MRPL35: variants seen among roughly 807,000 people sequenced by gnomAD.
MRPL35 encodes mitochondrial ribosomal protein L35.
A neutral mutation model predicts 21.6 loss-of-function variants in MRPL35; 18 were observed. That is an observed-to-expected ratio of 0.83 (90% CI 0.58 to 1.24). MRPL35 has a LOEUF of 1.24. Among genes scored for constraint, MRPL35 ranks in the 50% most tolerant of loss-of-function variants. MRPL35 has a pLI of 0.00. For missense variants in MRPL35, 223 were observed against 223.2 expected, an observed-to-expected ratio of 1.00 and a Z score of 0.01; for synonymous variants, 87 against 86.9, an observed-to-expected ratio of 1.00 and a Z score of -0.01.
At position 86,210,865 on chromosome 2, in the gene MRPL35, T is replaced by C; in HGVS notation, c.*197T>C. The stretch of plus-strand genomic sequence containing the variant: ...AGATTTGGTTAGGGAAACAGAAATT[T>C]AGAATGGTGCATTATTTTTAACAAA... On this transcript the variant is annotated 3_prime_UTR_variant, in exon 4 of 4. Coordinates refer to ENST00000337109, the MANE Select transcript of MRPL35 (RefSeq NM_016622.4). The C allele has an allele frequency of 1.6e-6, 2 of 1,265,372 alleles. No homozygotes were observed. The highest frequency in any genetic ancestry group is 3.0e-5 in the East Asian group (1 of 33,236). The allele number at this position is 1,265,372 out of a possible 1,614,324, so 78.4% of individuals were successfully genotyped here.
At chr2:86,205,731 C>T (rs1004237512) in intron 1 of MRPL35, among the ~76,000 whole-genome samples, 1 of 152,188 alleles carries the variant, frequency 6.6e-6, no homozygotes, top group Non-Finnish European at 1.5e-5. Flanking sequence ...GGTCCATGCT[C>T]TTGCATCCCT....
intron 3 of MRPL35, among the ~76,000 whole-genome samples, chr2:86,208,693 T>C (rs1673848625): frequency 1.3e-5 from 2 of 152,176 alleles, no homozygotes; most frequent in Non-Finnish European, 2.9e-5. Flanking sequence ...TGCCTTCCTT[T>C]CCATGTCCCT....
Position 86,211,172 on chromosome 2 carries a change from T to C in MRPL35, c.*504T>C. ...TGCATGCATGTGACTTGCTTCTTTT[T>C]GCATTGTTAACTCCATTCTCTCTAT... On this transcript the variant is annotated 3_prime_UTR_variant, in exon 4 of 4. Coordinates refer to ENST00000337109, the MANE Select transcript of MRPL35 (RefSeq NM_016622.4). The C allele has an allele frequency of 1.0e-6, 1 of 984,864 alleles. No individual in the cohort carries two copies. Among genetic ancestry groups the C allele is most frequent in the Non-Finnish European group, 1.2e-6 (1 of 829,330 alleles). The allele number at this position is 984,864 out of a possible 1,614,324, so 61.0% of individuals were successfully genotyped here.
Position 86,210,649 on chromosome 2 carries a change from G to T in MRPL35, c.548G>T (p.Arg183Leu). The part of the protein sequence containing the change: ...VDDPYQKYHD[R>L]TNLKV Reference sequence around the variant, plus strand: ...GATCCTTATCAGAAGTATCATGATCGAACAAACCTGAAAGTATAGATCAGA... The same window carrying T: ...GATCCTTATCAGAAGTATCATGATCTAACAAACCTGAAAGTATAGATCAGA... Residue 183 changes from arginine (R) to leucine (L), a missense_variant, in exon 4 of 4, where the codon CGA becomes CTA. By Grantham distance (102) the Arg-to-Leu change is moderately radical (BLOSUM62 -2). Coordinates refer to ENST00000337109, the MANE Select transcript of MRPL35 (RefSeq NM_016622.4). The T allele has an allele frequency of 6.2e-7, 1 of 1,611,198 alleles. No homozygotes were observed. Among genetic ancestry groups the T allele is most frequent in the South Asian group, 1.1e-5 (1 of 90,616 alleles).
intron 3 of MRPL35, 39 bp from the exon 4 acceptor site, chr2:86,210,441 A>G: frequency 1.3e-6 from 2 of 1,522,442 alleles, no homozygotes; most frequent in Non-Finnish European, 1.8e-6. Context: ...TGTTTCATAC[A>G]TAGTATGATG....
chr2:86,206,022 TTGG>T (rs1673781575), intron 1 of MRPL35, 81 bp from the exon 2 acceptor site: 1 of 1,190,992 alleles, frequency 8.4e-7, no homozygotes, highest in Non-Finnish European at 1.2e-6. Flanking sequence ...TGTTTAATAC[TTGG>T]TGGCAGTGAT....
At position 86,213,687 on chromosome 2, in the gene MRPL35, C is replaced by T. The variant is rs1169952612; in HGVS notation, c.*3019C>T. 34 of 1,548,852 alleles carry T rather than the reference C, an allele frequency of 2.2e-5. No individual in the cohort carries two copies. Among genetic ancestry groups the T allele is most frequent in the Non-Finnish European group, 2.8e-5 (32 of 1,145,610 alleles). ...AGAAGAAAAATGATGGACCAAACGTCTGTTTGCACAATTGAAACTCTACCA... is the reference window on the plus strand; with the variant it reads ...AGAAGAAAAATGATGGACCAAACGTTTGTTTGCACAATTGAAACTCTACCA... On this transcript the variant is annotated 3_prime_UTR_variant, in exon 4 of 4. Transcript: ENST00000337109.
At position 86,212,391 on chromosome 2, in the gene MRPL35, G is replaced by T; in HGVS notation, c.*1723G>T. On this transcript the variant is annotated 3_prime_UTR_variant, in exon 4 of 4. Coordinates refer to ENST00000337109, the MANE Select transcript of MRPL35 (RefSeq NM_016622.4). ...AGCCTGAAACATGGAATGGCATTCT[G>T]TTTTGATGGATTTTCATTTCTTCGC... The T allele has an allele frequency of 6.2e-7, 1 of 1,613,806 alleles. No individual in the cohort carries two copies. Among genetic ancestry groups the T allele is most frequent in the Non-Finnish European group, 8.5e-7 (1 of 1,179,858 alleles).
intron 1 of MRPL35, among the ~76,000 whole-genome samples, chr2:86,201,390 G>A (rs1461403301): frequency 3.3e-5 from 5 of 152,064 alleles, no homozygotes; most frequent in Admixed American, 3.3e-4. Context: ...CTATTGGATT[G>A]TTTGTCTTAT....
chr2:86,213,640 T>G lies in MRPL35; in HGVS notation c.*2972T>G. On this transcript the variant is annotated 3_prime_UTR_variant, in exon 4 of 4. Coordinates refer to ENST00000337109, the MANE Select transcript of MRPL35 (RefSeq NM_016622.4). Reference sequence around the variant, plus strand: ...GTCACCTGCACAGGCACTCCCCCATTTGCAGATGAAGAAATGTTCAGAGAA... The same window carrying G: ...GTCACCTGCACAGGCACTCCCCCATGTGCAGATGAAGAAATGTTCAGAGAA... 1 of 1,550,466 alleles carries G rather than the reference T, an allele frequency of 6.4e-7. No homozygotes were observed. Among genetic ancestry groups the G allele is most frequent in the Non-Finnish European group, 8.7e-7 (1 of 1,146,916 alleles).
chr2:86,212,576 T>C lies in MRPL35; in HGVS notation c.*1908T>C. 3 of 1,509,352 alleles carry C rather than the reference T, an allele frequency of 2.0e-6. No individual in the cohort carries two copies. The highest frequency in any genetic ancestry group is 2.7e-6 in the Non-Finnish European group (3 of 1,130,964). The allele number at this position is 1,509,352 out of a possible 1,614,324, so 93.5% of individuals were successfully genotyped here. ...TGCACAGCCTCCATGATGTCTTTAT[T>C]GCAAATATGGATGACAAGGGTCTCT... On this transcript the variant is annotated 3_prime_UTR_variant, in exon 4 of 4. Coordinates refer to ENST00000337109, the MANE Select transcript of MRPL35 (RefSeq NM_016622.4).
chr2:86,210,847 G>C lies in MRPL35; in HGVS notation c.*179G>C, dbSNP rs1673890418. On this transcript the variant is annotated 3_prime_UTR_variant, in exon 4 of 4. Coordinates refer to ENST00000337109, the MANE Select transcript of MRPL35 (RefSeq NM_016622.4). Reference sequence around the variant, plus strand: ...AATGGATCAGACTTTGCCAGATTTGGTTAGGGAAACAGAAATTTAGAATGG... The same window carrying C: ...AATGGATCAGACTTTGCCAGATTTGCTTAGGGAAACAGAAATTTAGAATGG... The C allele has an allele frequency of 7.8e-7, 1 of 1,278,428 alleles. No individual in the cohort carries two copies. The highest frequency in any genetic ancestry group is 1.5e-5 in the African/African-American group (1 of 66,582). 79.2% of individuals were successfully genotyped at this position (1,278,428 alleles called of 1,614,324 possible). A position where few individuals can be genotyped will look rare whatever the true frequency, so the allele number is the denominator to read the frequency against.
chr2:86,212,487 C>T lies in MRPL35; in HGVS notation c.*1819C>T, dbSNP rs1673925956. 2 of 1,612,848 alleles carry T rather than the reference C, an allele frequency of 1.2e-6. No homozygotes were observed. ...TTGTCACCTGCCTGGCTCCTGCTCT[C>T]TGATGTACCTCTGGGTAGTGAGATG... On this transcript the variant is annotated 3_prime_UTR_variant, in exon 4 of 4. Transcript: ENST00000337109.
At position 86,210,699 on chromosome 2, in the gene MRPL35, G is replaced by A; in HGVS notation, c.*31G>A. On this transcript the variant is annotated 3_prime_UTR_variant, in exon 4 of 4. Transcript: ENST00000337109. ...AAGTTTCACTTGTTTCTCAGTTATT[G>A]GATATGTATCTTTGTGTACATATCT... 1 of 1,587,926 alleles carries A rather than the reference G, an allele frequency of 6.3e-7. No homozygotes were observed. Among genetic ancestry groups the A allele is most frequent in the South Asian group, 1.1e-5 (1 of 87,524 alleles).
chr2:86,205,586 CT>C (rs1673772856), intron 1 of MRPL35, among the ~76,000 whole-genome samples: 1 of 152,220 alleles, frequency 6.6e-6, no homozygotes, highest in South Asian at 2.1e-4. Context: ...GTCCCCATGC[CT>C]TTGCTTATGT....
chr2:86,210,619 T>C lies in MRPL35; in HGVS notation c.518T>C (p.Val173Ala). The C allele has an allele frequency of 1.9e-6, 3 of 1,613,830 alleles. No individual in the cohort carries two copies. Among genetic ancestry groups the C allele is most frequent in the Non-Finnish European group, 2.5e-6 (3 of 1,179,812 alleles). Residue 173 changes from valine (V) to alanine (A), a missense_variant, in exon 4 of 4, where the codon GTT becomes GCT. Val to Ala is a moderately conservative substitution (Grantham distance 64, BLOSUM62 0). Transcript: ENST00000337109. ...TTCTGGAAGAGGCGAAACTGGTACGTTGATGATCCTTATCAGAAGTATCAT... is the reference window on the plus strand; with the variant it reads ...TTCTGGAAGAGGCGAAACTGGTACGCTGATGATCCTTATCAGAAGTATCAT... ...TSFWKRRNWY[V>A]DDPYQKYHDR...
chr2:86,206,121 T>G lies in MRPL35; in HGVS notation c.59T>G (p.Leu20Arg). 6.2e-7 allele frequency: 1 copy of G among 1,611,626 alleles called. No homozygotes were observed. The highest frequency in any genetic ancestry group is 1.1e-5 in the South Asian group (1 of 91,020). ...VRAASGILRP[L>R]NILASSTYRN... The stretch of plus-strand genomic sequence containing the variant: ...ATCTTTACAGGAATCCTACGGCCCC[T>G]GAATATTTTGGCATCTTCAACCTAC... The change falls in exon 2 of 4, where the codon CTG becomes CGG. Residue 20 changes from leucine to arginine, a missense_variant. Transcript: ENST00000337109.
chr2:86,204,722 C>T (rs1673758802), intron 1 of MRPL35, among the ~76,000 whole-genome samples: 1 of 152,164 alleles, frequency 6.6e-6, no homozygotes, highest in African/African-American at 2.4e-5. Flanking sequence ...TCTCCCCAGG[C>T]GTCTCTGATA....
chr2:86,213,710 C>T lies in MRPL35; in HGVS notation c.*3042C>T, dbSNP rs1573975358. The T allele has an allele frequency of 2.6e-6, 4 of 1,529,452 alleles. No individual in the cohort carries two copies. The East Asian group carries it at 7.4e-5, about 28-fold the overall frequency. The allele number at this position is 1,529,452 out of a possible 1,614,324, so 94.7% of individuals were successfully genotyped here. ...GTCTGTTTGCACAATTGAAACTCTA[C>T]CAGTGGACTATTCTATTTTCACAGC... is the stretch of plus-strand genomic sequence containing the variant. On this transcript the variant is annotated 3_prime_UTR_variant, in exon 4 of 4. Coordinates refer to ENST00000337109, the MANE Select transcript of MRPL35 (RefSeq NM_016622.4).
Sources: allele counts gnomAD v4.1 joint callset (sites outside exome capture counted in the v4.1 genomes callset), GRCh38; gene constraint gnomAD v4.1.1; transcripts MANE v1.5; gene names NCBI Gene and HGNC (gene_info 2026-07-23, HGNC 2026-07-21).